Variants in COL5A2 observed in about 807,000 individuals in gnomAD.
COL5A2 encodes collagen alpha-2(V) chain.
In COL5A2, 23 loss-of-function variants were observed where a neutral mutation model predicts 208.2. The observed-to-expected ratio is 0.11, with a 90% CI of 0.08 to 0.16. COL5A2 has a LOEUF of 0.16. Ranked by LOEUF, COL5A2 falls within the 10% of genes least tolerant of loss-of-function variation. The pLI is 1.00. For synonymous variants in COL5A2, 625 were observed against 628.5 expected (o/e 0.99, Z 0.08); for missense variants, 1,590 against 1,956.4 (o/e 0.81, Z 3.53).
upstream of COL5A2, among the ~76,000 whole-genome samples, chr2:189,226,174 C>T (rs945423022): frequency 1.3e-5 from 2 of 152,090 alleles, no homozygotes; most frequent in African/African-American, 2.4e-5. Context: ...TTCTCTACTA[C>T]AGATAAAAAT....
the COL5A2 span, among the ~76,000 whole-genome samples, chr2:189,236,826 ACT>A: frequency 6.6e-6 from 1 of 151,572 alleles, no homozygotes; most frequent in African/African-American, 2.4e-5. Context: ...ACTCCCACTC[ACT>A]CTTTTAATGA....
At chr2:189,249,178 A>G in the COL5A2 span, among the ~76,000 whole-genome samples, 1 of 152,342 alleles carries the variant, frequency 6.6e-6, no homozygotes, top group East Asian at 1.9e-4. Context: ...TAAGATGGCT[A>G]TTGAAATTTC....
intron 14 of COL5A2, 51 bp downstream of exon 14, chr2:189,079,927 G>T: frequency 1.3e-6 from 2 of 1,484,038 alleles, no homozygotes; most frequent in Non-Finnish European, 1.9e-6. Flanking sequence ...AACATTTGAA[G>T]CAAAACTAAG....
the COL5A2 span, among the ~76,000 whole-genome samples, chr2:189,361,137 A>G: frequency 1.3e-5 from 2 of 152,080 alleles, no homozygotes; most frequent in African/African-American, 2.4e-5. Flanking sequence ...CTAGAGCACA[A>G]TTTAACTCTG....
chr2:189,118,524 G>A (rs2105730409), intron 1 of COL5A2, among the ~76,000 whole-genome samples: 1 of 152,116 alleles, frequency 6.6e-6, no homozygotes, highest in South Asian at 2.1e-4. Context: ...CCCTTGCCTT[G>A]AGCAAGTTGA....
chr2:189,322,177 AGT>A, the COL5A2 span, among the ~76,000 whole-genome samples: 4 of 152,262 alleles, frequency 2.6e-5, no homozygotes, highest in South Asian at 8.3e-4. Flanking sequence ...CATTTAAAGC[AGT>A]GTGTAGAGGG....
the COL5A2 span, among the ~76,000 whole-genome samples, chr2:189,318,670 A>G: frequency 6.6e-6 from 1 of 152,236 alleles, no homozygotes; most frequent in Non-Finnish European, 1.5e-5. Context: ...GAAGCACTTA[A>G]AAATAAAATT....
At chr2:189,428,820 C>T in the COL5A2 span, among the ~76,000 whole-genome samples, 1 of 152,180 alleles carries the variant, frequency 6.6e-6, no homozygotes, top group South Asian at 2.1e-4. Flanking sequence ...TATAAATTAT[C>T]CAGTACCAGC....
the COL5A2 span, among the ~76,000 whole-genome samples, chr2:189,317,954 A>G: frequency 6.6e-6 from 1 of 152,244 alleles, no homozygotes; most frequent in Non-Finnish European, 1.5e-5. Flanking sequence ...ATAAAAATGT[A>G]AGCACTCACT....
chr2:189,290,380 G>C, the COL5A2 span, among the ~76,000 whole-genome samples: 1 of 152,192 alleles, frequency 6.6e-6, no homozygotes, highest in Non-Finnish European at 1.5e-5. Flanking sequence ...AAAGAAGTCT[G>C]AAAAGGAATT....
At chr2:189,066,691 A>G (rs1453930322) in intron 22 of COL5A2, 38 bp downstream of exon 22, 1 of 1,543,396 alleles carries the variant, frequency 6.5e-7, no homozygotes, top group South Asian at 1.1e-5. Flanking sequence ...TCCAGACAAT[A>G]CTATGTTCTA....
At chr2:189,138,016 C>G (rs914263317) in intron 1 of COL5A2, among the ~76,000 whole-genome samples, 2 of 152,114 alleles carry the variant, frequency 1.3e-5, no homozygotes, top group Non-Finnish European at 2.9e-5. Flanking sequence ...GCTCAGTCAC[C>G]CAGGCTGGAG....
Position 189,092,361 on chromosome 2 carries a change from A to C in COL5A2, c.516T>G (p.Ala172=). Residue 172 remains alanine, a synonymous_variant, in exon 7 of 54, where the codon GCT becomes GCG. Transcript: ENST00000374866. ...GEPGVPGQPG[A]PGPPGHPSHP... ...GGGACGGATGTCCAGGAGGTCCTGG[A>C]GCACCAGGTTGACCAGGAACACCTG... 6.2e-7 allele frequency: 1 copy of C among 1,609,766 alleles called. No individual in the cohort carries two copies.
At chr2:189,084,066 G>C in intron 11 of COL5A2, 29 bp from the exon 12 acceptor site, 1 of 1,505,750 alleles carries the variant, frequency 6.6e-7, no homozygotes, top group Non-Finnish European at 9.2e-7. Context: ...AGGAGATTGG[G>C]AAGGCAAAAG....
chr2:189,232,082 A>G, the COL5A2 span, among the ~76,000 whole-genome samples: 4 of 151,732 alleles, frequency 2.6e-5, no homozygotes, highest in African/African-American at 7.2e-5. Context: ...CTGAGCATAG[A>G]AACAGAAGAG....
rs78512334 is a variant in COL5A2 at position 189,157,748 on chromosome 2, A to G, written c.97+21760T>C. 3.3e-5 allele frequency among the ~76,000 whole-genome samples: 5 copies of G among 152,158 alleles called. No individual in the cohort carries two copies. In the East Asian group the frequency reaches 7.7e-4, roughly 23 times the overall value. On this transcript the variant is annotated intron_variant, in intron 1 of 53. Transcript: ENST00000374866. The stretch of plus-strand genomic sequence containing the variant: ...ATAAAACTTAAAGGCTTTGGTCAAA[A>G]TGTTCTATTTCCTCTGGTATGTCTT...
the COL5A2 span, among the ~76,000 whole-genome samples, chr2:189,401,699 T>C: frequency 1.3e-5 from 2 of 152,224 alleles, no homozygotes; most frequent in Admixed American, 1.3e-4. Context: ...AAAGCATTCC[T>C]TTTTCTCTAC....
chr2:189,058,258 T>C (rs1011700793), intron 33 of COL5A2, among the ~76,000 whole-genome samples, 171 bp downstream of exon 33: 1 of 152,190 alleles, frequency 6.6e-6, no homozygotes, highest in Non-Finnish European at 1.5e-5. Context: ...GCTGACACTT[T>C]AGTTGCAAGG....
At chr2:189,319,077 T>A in the COL5A2 span, among the ~76,000 whole-genome samples, 4 of 151,948 alleles carry the variant, frequency 2.6e-5, no homozygotes, top group Non-Finnish European at 4.4e-5. Context: ...GAAAAAAAAA[T>A]AACCTTGCCT....
Sources: allele counts gnomAD v4.1 joint callset (sites outside exome capture counted in the v4.1 genomes callset), GRCh38; gene constraint gnomAD v4.1.1; transcripts MANE v1.5; gene names NCBI Gene and HGNC (gene_info 2026-07-23, HGNC 2026-07-21).